Variants in COL18A1 observed in about 807,000 individuals in gnomAD.
COL18A1 encodes collagen alpha-1(XVIII) chain.
COL18A1 carries 133 observed loss-of-function variants against 168.0 expected under a neutral mutation model. The ratio of observed to expected loss-of-function variants is 0.79; its 90% confidence interval spans 0.69 to 0.91. The LOEUF is 0.91. Among genes scored for constraint, COL18A1 ranks in the 40% least tolerant of loss-of-function variants. COL18A1 has a pLI of 0.00. For synonymous variants in COL18A1, 949 were observed against 809.0 expected (o/e 1.17, Z -2.94); for missense variants, 2,126 against 1,925.4 (o/e 1.10, Z -1.95).
intron 2 of COL18A1, among the ~76,000 whole-genome samples, chr21:45,409,540 A>C (rs142626818): frequency 1.5e-3 from 225 of 152,074 alleles, no homozygotes; most frequent in Non-Finnish European, 2.3e-3. Flanking sequence ...ATGACTGGGC[A>C]GCTGAGACCC....
intron 2 of COL18A1, among the ~76,000 whole-genome samples, chr21:45,464,333 CA>C (rs1295823240): frequency 6.6e-6 from 1 of 152,058 alleles, no homozygotes; most frequent in Non-Finnish European, 1.5e-5. Context: ...AACCTGGGGC[CA>C]AAAAAGACCC....
intron 2 of COL18A1, among the ~76,000 whole-genome samples, chr21:45,426,551 C>T (rs949335090): frequency 3.9e-5 from 6 of 152,228 alleles, no homozygotes; most frequent in Admixed American, 3.9e-4. Flanking sequence ...CCTGGAAGCC[C>T]CCGGAAACCC....
At chr21:45,439,715 C>CCTCCGGG (rs1273345569) in intron 2 of COL18A1, among the ~76,000 whole-genome samples, 10 of 146,124 alleles carry the variant, frequency 6.8e-5, no homozygotes, top group Non-Finnish European at 9.4e-5. Flanking sequence ...GCCTGGGCGG[C>CCTCCGGG]TTTGGGCGCG....
chr21:45,466,545 G>A (rs1164240947), intron 2 of COL18A1, among the ~76,000 whole-genome samples: 3 of 152,232 alleles, frequency 2.0e-5, no homozygotes, highest in Admixed American at 2.0e-4. Flanking sequence ...TTTGATTCCA[G>A]GACATCTGAG....
At chr21:45,467,997 C>G (rs893479703) in intron 2 of COL18A1, among the ~76,000 whole-genome samples, 1 of 152,196 alleles carries the variant, frequency 6.6e-6, no homozygotes, top group Non-Finnish European at 1.5e-5. Context: ...ATGTCTCCTG[C>G]AGACACCATG....
chr21:45,446,260 C>G (rs547806036), intron 2 of COL18A1, among the ~76,000 whole-genome samples: 1 of 152,196 alleles, frequency 6.6e-6, no homozygotes, highest in Non-Finnish European at 1.5e-5. Context: ...ATTCCAGAAC[C>G]CTCAGTTCCA....
Position 45,476,357 on chromosome 21 carries a change from GC to G in COL18A1, c.808del (p.Leu270Ter), listed in dbSNP as rs1483374805. On this transcript the variant is annotated frameshift_variant, in exon 6 of 42. Coordinates refer to ENST00000651438, the MANE Select transcript of COL18A1 (RefSeq NM_001379500.1). LOFTEE classifies it high-confidence loss of function. The part of the protein sequence containing the change: ...RELLREETGA[A>X]LKPRLPAPPP... ...CTCCCCTCTCGTCCTCCAGGGCGCGGCCCTAAAACCCAGGCTCCCCGCGCCA... is the reference window on the plus strand; with the variant it reads ...CTCCCCTCTCGTCCTCCAGGGCGCGGCCTAAAACCCAGGCTCCCCGCGCCA... 6.2e-7 allele frequency: 1 copy of G among 1,613,970 alleles called. No homozygotes were observed. The highest frequency in any genetic ancestry group is 1.7e-5 in the Admixed American group (1 of 60,020).
In COL18A1 at chr21:45,496,963, T is replaced by C. The variant is rs958020032; in HGVS notation, c.2578-87T>C. On this transcript the variant is annotated intron_variant, in intron 30 of 41. Coordinates refer to ENST00000651438, the MANE Select transcript of COL18A1 (RefSeq NM_001379500.1). ...CTATGTGGCCTCATACAGGGGCTGG[T>C]GCTTCTGGGCTTGGGGACCCCTGAG... 17 of 864,538 alleles carry C rather than the reference T, an allele frequency of 2.0e-5. No homozygotes were observed. The African/African-American group carries it at 2.6e-4, about 13-fold the overall frequency. 53.6% of individuals were successfully genotyped at this position (864,538 alleles called of 1,614,324 possible). A position where few individuals can be genotyped will look rare whatever the true frequency, so the allele number is the denominator to read the frequency against.
At chr21:45,491,088 C>T in intron 21 of COL18A1, 137 bp from the exon 22 acceptor site, 1 of 880,500 alleles carries the variant, frequency 1.1e-6, no homozygotes, top group South Asian at 1.4e-5. Context: ...CAGGGGGCTC[C>T]AAGGCCACAG....
intron 41 of COL18A1, among the ~76,000 whole-genome samples, chr21:45,511,450 G>T (rs373216412): frequency 3.9e-5 from 6 of 152,178 alleles, no homozygotes; most frequent in Admixed American, 6.5e-5. Context: ...AGAAGGCCCC[G>T]AAGGTGCCCC....
intron 15 of COL18A1, among the ~76,000 whole-genome samples, chr21:45,485,134 C>T (rs1227087159): frequency 6.9e-6 from 1 of 145,864 alleles, no homozygotes; most frequent in Non-Finnish European, 1.5e-5. Context: ...AGGCATCTGC[C>T]ACCACACCTG....
chr21:45,421,111 T>G (rs1602345846), intron 2 of COL18A1: 3 of 230,130 alleles, frequency 1.3e-5, no homozygotes, highest in South Asian at 8.8e-5. Flanking sequence ...CGGTACCGGG[T>G]CAGCTGGTGC....
intron 31 of COL18A1, among the ~76,000 whole-genome samples, chr21:45,497,344 G>T (rs991295401): frequency 1.3e-5 from 2 of 152,270 alleles, no homozygotes; most frequent in African/African-American, 4.8e-5. Flanking sequence ...TCTGGCCAAA[G>T]CAGGGTGGAA....
rs1015332017 is a variant in COL18A1, at chr21:45,473,589, T to C, written c.652-306T>C. On this transcript the variant is annotated intron_variant, in intron 3 of 41. Transcript: ENST00000651438. This position sits in a 1 kb window ranked among gnomAD's most constrained non-coding sequence, Gnocchi z 4.0. ...CCCAGGCCTTGGATCGAGCCACACC[T>C]GCTGTGGTTCTAAACCCGTAGCCCT... Among the ~76,000 whole-genome samples the C allele has an allele frequency of 2.6e-5, 4 of 152,272 alleles. No individual in the cohort carries two copies. In the East Asian group the frequency reaches 7.7e-4, roughly 29 times the overall value.
Position 45,445,116 on chromosome 21 carries a change from G to A in COL18A1, c.107-23126G>A, listed in dbSNP as rs1197035346. 4.6e-5 allele frequency among the ~76,000 whole-genome samples: 7 copies of A among 152,224 alleles called. No homozygotes were observed. In the South Asian group the frequency reaches 1.0e-3, roughly 23 times the overall value. ...CATCACTCCAGAGAGAAGCCTTTCC[G>A]CCGCCCTCCCTCCCTCCAGTCCTGG... On this transcript the variant is annotated intron_variant, in intron 2 of 41. Transcript: ENST00000651438.
rs2246749 is a variant in COL18A1 at position 45,486,776 on chromosome 21, A to G, written c.1702-85A>G. The G allele has an allele frequency of 0.074, 106,031 of 1,424,732 alleles. 5,919 individuals are homozygous for G. The highest frequency in any genetic ancestry group is 0.27 in the African/African-American group (18,794 of 69,944). The allele number at this position is 1,424,732 out of a possible 1,614,324, so 88.3% of individuals were successfully genotyped here. A position where few individuals can be genotyped will look rare whatever the true frequency, so the allele number is the denominator to read the frequency against. ...TTTTGATTTGCAGGGTTTAGAAAGCATCATAAGAAAACGTGTCTACGCTGG... is the reference window on the plus strand; with the variant it reads ...TTTTGATTTGCAGGGTTTAGAAAGCGTCATAAGAAAACGTGTCTACGCTGG... On this transcript the variant is annotated intron_variant, in intron 15 of 41. Coordinates refer to ENST00000651438, the MANE Select transcript of COL18A1 (RefSeq NM_001379500.1).
In COL18A1 at chr21:45,479,938, G is replaced by A; in HGVS notation, c.1285G>A (p.Gly429Arg). Residue 429 changes from glycine (G) to arginine (R), a missense_variant, in exon 10 of 42, where the codon GGG (glycine) becomes AGG (arginine). By Grantham distance (125) the Gly-to-Arg change is moderately radical. Coordinates refer to ENST00000651438, the MANE Select transcript of COL18A1 (RefSeq NM_001379500.1). The part of the protein sequence containing the change: ...TGPQGFPGTP[G>R]DVGPKGDKGD... ...GCCACAAGGCTTCCCCGGGACTCCA[G>A]GGGACGTAGGTCCCAAGGGCGACAA... The A allele has an allele frequency of 6.2e-7, 1 of 1,613,852 alleles. No individual in the cohort carries two copies. The highest frequency in any genetic ancestry group is 8.5e-7 in the Non-Finnish European group (1 of 1,179,956).
chr21:45,478,226 C>G lies in COL18A1; in HGVS notation c.1222-101C>G, dbSNP rs999281888. 2.0e-6 allele frequency: 3 copies of G among 1,518,032 alleles called. No individual in the cohort carries two copies. In the African/African-American group the frequency reaches 4.1e-5, roughly 21 times the overall value. The allele number at this position is 1,518,032 out of a possible 1,614,324, so 94.0% of individuals were successfully genotyped here. On this transcript the variant is annotated intron_variant, in intron 8 of 41. Transcript: ENST00000651438. ...GACATCGGGGGAAGGCGTCTGCCGC[C>G]TCGTGGGGACTTGGAGCGTGGGGTG...
Position 45,480,168 on chromosome 21 carries a change from C to A in COL18A1, c.1398+12C>A. ...GACACGACAAGCTGGTAAGTCCCGC[C>A]CTTGGCTTCCTGCGACCCGGGGTCT... On this transcript the variant is annotated intron_variant, in intron 11 of 41. Transcript: ENST00000651438. The A allele has an allele frequency of 6.7e-7, 1 of 1,489,064 alleles. No homozygotes were observed. The highest frequency in any genetic ancestry group is 9.3e-7 in the Non-Finnish European group (1 of 1,072,468). The allele number at this position is 1,489,064 out of a possible 1,614,324, so 92.2% of individuals were successfully genotyped here.
Sources: gnomAD v4.1 joint callset for allele counts (sites outside exome capture counted in the v4.1 genomes callset) on GRCh38, gnomAD v4.1.1 for gene constraint, Gnocchi (gnomAD v3.1) non-coding constraint, MANE v1.5 for transcripts, NCBI Gene and HGNC (gene_info 2026-07-23, HGNC 2026-07-21) for gene names.